PIK3R1: variants seen among roughly 807,000 people sequenced by gnomAD.
PIK3R1 encodes the protein phosphoinositide-3-kinase regulatory subunit 1.
Under a neutral mutation model 98.0 loss-of-function variants are expected in PIK3R1, and 29 were observed. That is an observed-to-expected ratio of 0.30 (90% CI 0.22 to 0.40). PIK3R1 has a LOEUF of 0.40. Ranked by LOEUF, PIK3R1 falls within the 10% of genes least tolerant of loss-of-function variation. PIK3R1 has a pLI of 1.00. For missense variants in PIK3R1, 596 were observed against 872.7 expected, an observed-to-expected ratio of 0.68 and a Z score of 3.99; for synonymous variants, 282 against 311.8, an observed-to-expected ratio of 0.90 and a Z score of 1.01.
intron 7 of PIK3R1, among the ~76,000 whole-genome samples, chr5:68,288,149 A>G (rs1369311273): frequency 6.6e-6 from 1 of 152,154 alleles, no homozygotes; most frequent in East Asian, 1.9e-4. Context: ...ACTGTCGGCT[A>G]CTTGAGCCCC....
intron 7 of PIK3R1, among the ~76,000 whole-genome samples, chr5:68,288,097 T>C (rs1026828062): frequency 3.9e-5 from 6 of 152,250 alleles, no homozygotes; most frequent in Non-Finnish European, 8.8e-5. Flanking sequence ...CTGAACTAGC[T>C]CAGCCACTTC....
In PIK3R1 at chr5:68,238,864, T is replaced by C. The variant is rs1335391303; in HGVS notation, c.334+11855T>C. ...CATGTGAAATCAATGAAAAATATGT[T>C]TGGGCATTTCTATTTAAGAATAATG... is the stretch of plus-strand genomic sequence containing the variant. On this transcript the variant is annotated intron_variant, in intron 2 of 15. Transcript: ENST00000521381. 5.3e-5 allele frequency among the ~76,000 whole-genome samples: 8 copies of C among 152,302 alleles called. No individual in the cohort carries two copies. In the East Asian group the frequency reaches 1.5e-3, roughly 29 times the overall value.
intron 2 of PIK3R1, among the ~76,000 whole-genome samples, chr5:68,239,158 G>T (rs1744782631): frequency 6.6e-6 from 1 of 152,010 alleles, no homozygotes; most frequent in South Asian, 2.1e-4. Context: ...AGTACCTAAA[G>T]GTTGCCTTTT....
intron 2 of PIK3R1, among the ~76,000 whole-genome samples, chr5:68,257,435 T>A (rs1392877989): frequency 6.6e-6 from 1 of 152,108 alleles, no homozygotes; most frequent in Non-Finnish European, 1.5e-5. Flanking sequence ...GTTGTTCTTT[T>A]TACCCCTTTG....
chr5:68,241,997 A>C (rs1165809271), intron 2 of PIK3R1, among the ~76,000 whole-genome samples: 1 of 152,244 alleles, frequency 6.6e-6, no homozygotes, highest in Non-Finnish European at 1.5e-5. Context: ...AGACTTATTT[A>C]TGACAATTTG....
rs779745840 is a variant in PIK3R1, at chr5:68,297,621, T to C, written c.*20T>C. 1.9e-6 allele frequency: 3 copies of C among 1,608,436 alleles called. No homozygotes were observed. The East Asian group carries it at 6.7e-5, about 36-fold the overall frequency. ...CGATGAAGCGCTTACTCTTTGATCCTTCTCCTGAAGTTCAGCCACCCTGAG... is the reference window on the plus strand; with the variant it reads ...CGATGAAGCGCTTACTCTTTGATCCCTCTCCTGAAGTTCAGCCACCCTGAG... On this transcript the variant is annotated 3_prime_UTR_variant, in exon 16 of 16. Coordinates refer to ENST00000521381, the MANE Select transcript of PIK3R1 (RefSeq NM_181523.3).
At chr5:68,232,223 C>G (rs1360622782) in intron 2 of PIK3R1, among the ~76,000 whole-genome samples, 1 of 152,228 alleles carries the variant, frequency 6.6e-6, no homozygotes, top group Non-Finnish European at 1.5e-5. Context: ...TTCACCCTCT[C>G]ATGAGCATTT....
intron 2 of PIK3R1, among the ~76,000 whole-genome samples, chr5:68,243,259 T>C (rs1313195020): frequency 6.6e-6 from 1 of 152,230 alleles, no homozygotes; most frequent in Non-Finnish European, 1.5e-5. Flanking sequence ...TAAAATCTAC[T>C]AGGGTCTCTG....
chr5:68,289,960 CATT>C (rs1476801035), intron 7 of PIK3R1, among the ~76,000 whole-genome samples: 1 of 152,092 alleles, frequency 6.6e-6, no homozygotes, highest in East Asian at 1.9e-4. Context: ...TTAAAATTCT[CATT>C]AATAATGTTG....
At chr5:68,266,341 C>T (rs2112138461) in intron 2 of PIK3R1, among the ~76,000 whole-genome samples, 1 of 152,322 alleles carries the variant, frequency 6.6e-6, no homozygotes. Flanking sequence ...CACAAGTTTG[C>T]CCTCAGCCAG....
chr5:68,263,424 C>T (rs1745992101), intron 2 of PIK3R1, among the ~76,000 whole-genome samples: 1 of 151,302 alleles, frequency 6.6e-6, no homozygotes, highest in South Asian at 2.1e-4. Flanking sequence ...CCAAATTGAC[C>T]CATCTAAAAT....
At chr5:68,219,964 A>G (rs1744036280) in intron 1 of PIK3R1, among the ~76,000 whole-genome samples, 1 of 152,190 alleles carries the variant, frequency 6.6e-6, no homozygotes, top group African/African-American at 2.4e-5. Context: ...GAGTGATTGT[A>G]ATGGTTAAAT....
rs1160098173 is a variant in PIK3R1, at chr5:68,292,161, TCTAA to T, written c.917-95_917-92del. 75 of 680,808 alleles carry T rather than the reference TCTAA, an allele frequency of 1.1e-4. 1 individual carries two copies. Among genetic ancestry groups the T allele is most frequent in the Middle Eastern group, 3.0e-4 (1 of 3,310 alleles). The allele number at this position is 680,808 out of a possible 1,614,324, so 42.2% of individuals were successfully genotyped here. A position where few individuals can be genotyped will look rare whatever the true frequency, so the allele number is the denominator to read the frequency against. On this transcript the variant is annotated intron_variant, in intron 7 of 15. Transcript: ENST00000521381. Reference sequence around the variant, plus strand: ...AACTAATGCTATATATTTCAGTTACTCTAACTTTTTATTTTTTTAAAGTAAAAGT... The same window carrying T: ...AACTAATGCTATATATTTCAGTTACTCTTTTTATTTTTTTAAAGTAAAAGT...
chr5:68,280,272 C>T, intron 5 of PIK3R1: 1 of 517,400 alleles, frequency 1.9e-6, no homozygotes, highest in Non-Finnish European at 3.4e-6. Context: ...GGGTAAGTTG[C>T]TGCCAGCACA....
chr5:68,229,247 A>G (rs1744390434), intron 2 of PIK3R1, among the ~76,000 whole-genome samples: 1 of 152,190 alleles, frequency 6.6e-6, no homozygotes, highest in South Asian at 2.1e-4. Flanking sequence ...TATGAGTTGC[A>G]TGTTGAATTC....
intron 7 of PIK3R1, among the ~76,000 whole-genome samples, chr5:68,283,052 T>C (rs1264196823): frequency 1.3e-5 from 2 of 152,228 alleles, no homozygotes. Flanking sequence ...GCAGCCTGGG[T>C]TGAAGAAATG....
intron 2 of PIK3R1, among the ~76,000 whole-genome samples, chr5:68,242,461 C>T (rs539641796): frequency 6.9e-6 from 1 of 144,358 alleles, no homozygotes; most frequent in East Asian, 2.3e-4. Context: ...ATTGGAAGCA[C>T]GACTTCCAGT....
Position 68,297,566 on chromosome 5 carries a change from C to T in PIK3R1, c.2140C>T (p.Leu714=), listed in dbSNP as rs1448804087. The part of the protein sequence containing the change: ...VQHNDSLNVT[L]AYPVYAQQRR The stretch of plus-strand genomic sequence containing the variant: ...GCACAACGACTCCCTCAATGTCACA[C>T]TAGCCTACCCAGTATATGCACAGCA... The change falls in exon 16 of 16, where the codon CTA becomes TTA. Residue 714 remains leucine, a synonymous_variant. Transcript: ENST00000521381. The T allele has an allele frequency of 3.7e-6, 6 of 1,614,170 alleles. No homozygotes were observed. Among genetic ancestry groups the T allele is most frequent in the Non-Finnish European group, 5.1e-6 (6 of 1,179,998 alleles).
At chr5:68,294,081 A>C (rs1747554591) in intron 11 of PIK3R1, among the ~76,000 whole-genome samples, 1 of 152,220 alleles carries the variant, frequency 6.6e-6, no homozygotes, top group South Asian at 2.1e-4. Context: ...AAGTTGATTT[A>C]ATTCGTGATA....
Sources: allele counts gnomAD v4.1 joint callset (sites outside exome capture counted in the v4.1 genomes callset), GRCh38; gene constraint gnomAD v4.1.1; transcripts MANE v1.5; gene names NCBI Gene and HGNC (gene_info 2026-07-23, HGNC 2026-07-21).